MYO3B: variants seen among roughly 807,000 people sequenced by gnomAD.
MYO3B encodes the protein myosin IIIB, also known as myosin-IIIb.
MYO3B carries 156 observed loss-of-function variants against 174.6 expected under a neutral mutation model. The observed-to-expected ratio is 0.89, with a 90% CI of 0.78 to 1.02. The LOEUF (loss-of-function observed/expected upper bound fraction) is 1.02, where lower values mean the gene tolerates loss of function less well. Among genes scored for constraint, MYO3B ranks in the 50% least tolerant of loss-of-function variants. The probability of loss-of-function intolerance (pLI) is 0.00; values close to 1 mark genes in which losing one functional copy is unlikely to be tolerated. For synonymous variants in MYO3B, 563 were observed against 569.1 expected, an observed-to-expected ratio of 0.99 and a Z score of 0.15; for missense variants, 1,632 against 1,639.4, an observed-to-expected ratio of 1.00 and a Z score of 0.08.
intron 32 of MYO3B, among the ~76,000 whole-genome samples, chr2:170,619,550 G>T (rs975889334): frequency 2.6e-5 from 4 of 151,846 alleles, no homozygotes; most frequent in Non-Finnish European, 5.9e-5. Context: ...TGGGGACGAG[G>T]GTTGGGGATC....
At chr2:170,355,665 C>T (rs564294629) in intron 8 of MYO3B, among the ~76,000 whole-genome samples, 14 of 152,312 alleles carry the variant, frequency 9.2e-5, no homozygotes, top group Non-Finnish European at 1.6e-4. Context: ...CTTTGAGTTA[C>T]TTTTGATTCA....
intron 7 of MYO3B, among the ~76,000 whole-genome samples, chr2:170,256,473 G>C (rs543676243): frequency 6.6e-6 from 1 of 152,076 alleles, no homozygotes; most frequent in Non-Finnish European, 1.5e-5. Context: ...GAGAATGGGG[G>C]CATATTTTCA....
chr2:170,217,193 G>A, intron 5 of MYO3B, 126 bp from the exon 6 acceptor site: 1 of 777,012 alleles, frequency 1.3e-6, no homozygotes, highest in Non-Finnish European at 2.3e-6. Context: ...CTGAGTAGTT[G>A]TGACAGAGAC....
chr2:170,368,651 A>T (rs2094216057), intron 8 of MYO3B, among the ~76,000 whole-genome samples: 1 of 152,196 alleles, frequency 6.6e-6, no homozygotes. Context: ...TCTGAATTAT[A>T]TTGTACTCAC....
At chr2:170,647,383 G>C (rs1362756191) in intron 32 of MYO3B, among the ~76,000 whole-genome samples, 1 of 152,164 alleles carries the variant, frequency 6.6e-6, no homozygotes, top group Non-Finnish European at 1.5e-5. Flanking sequence ...TAATATGTCT[G>C]TATTTAAGTT....
chr2:170,489,679 G>GTGTGTGTGTGTC lies in MYO3B; in HGVS notation c.3015-8911_3015-8910insTGTGTGTGTCTG, dbSNP rs1389067011. 1.6e-4 allele frequency among the ~76,000 whole-genome samples: 23 copies of GTGTGTGTGTGTC among 141,940 alleles called. No individual in the cohort carries two copies. The South Asian group carries it at 4.3e-3, about 26-fold the overall frequency. 93.1% of individuals were successfully genotyped at this position (141,940 alleles called of 152,430 possible). A position where few individuals can be genotyped will look rare whatever the true frequency, so the allele number is the denominator to read the frequency against. ...TGTGTGTGTGTGTGTCTGGGTAAGT[G>GTGTGTGTGTGTC]TGGGTAAGTGTGGGTAAGTGTGTGT... On this transcript the variant is annotated intron_variant, in intron 25 of 34. Coordinates refer to ENST00000408978, the MANE Select transcript of MYO3B (RefSeq NM_138995.5).
chr2:170,606,369 T>C (rs1427230273), intron 32 of MYO3B, among the ~76,000 whole-genome samples: 2 of 152,192 alleles, frequency 1.3e-5, no homozygotes, highest in African/African-American at 2.4e-5. Context: ...GAGATGCCAT[T>C]TGCATTATGC....
chr2:170,280,382 T>C (rs911026257), intron 7 of MYO3B, among the ~76,000 whole-genome samples: 1 of 152,180 alleles, frequency 6.6e-6, no homozygotes, highest in Admixed American at 6.6e-5. Flanking sequence ...AAATGTGTAG[T>C]TTGCAAATAT....
rs199591817 is a variant in MYO3B at position 170,480,043 on chromosome 2, A to G, written c.3014+13332A>G. On this transcript the variant is annotated intron_variant, in intron 25 of 34. Coordinates refer to ENST00000408978, the MANE Select transcript of MYO3B (RefSeq NM_138995.5). Reference sequence around the variant, plus strand: ...AACCTATATATATGTGTGTGTGTGTATATATATATATATATAAAATAACAC... The same window carrying G: ...AACCTATATATATGTGTGTGTGTGTGTATATATATATATATAAAATAACAC... Among the ~76,000 whole-genome samples the G allele has an allele frequency of 2.0e-3, 262 of 132,482 alleles. 2 individuals are homozygous for G. The highest frequency in any genetic ancestry group is 3.0e-3 in the Non-Finnish European group (178 of 59,392). 86.9% of individuals were successfully genotyped at this position (132,482 alleles called of 152,430 possible).
At chr2:170,400,461 A>G (rs1463635673) in intron 17 of MYO3B, 147 bp downstream of exon 17, 5 of 1,018,478 alleles carry the variant, frequency 4.9e-6, no homozygotes, top group Non-Finnish European at 6.9e-6. Context: ...GCTGGAGTCC[A>G]GTGGTGCAAT....
chr2:170,276,463 T>C (rs2093464404), intron 7 of MYO3B, among the ~76,000 whole-genome samples: 1 of 152,238 alleles, frequency 6.6e-6, no homozygotes, highest in African/African-American at 2.4e-5. Flanking sequence ...TTATATAGTA[T>C]ACAAACCCTG....
intron 16 of MYO3B, among the ~76,000 whole-genome samples, 193 bp downstream of exon 16, chr2:170,392,688 C>T (rs1480931394): frequency 6.6e-6 from 1 of 152,176 alleles, no homozygotes; most frequent in Non-Finnish European, 1.5e-5. Flanking sequence ...ATTAGAAATG[C>T]AGACCCTGAG....
chr2:170,335,299 T>A (rs995671867), intron 7 of MYO3B, 86 bp from the exon 8 acceptor site: 2 of 1,001,628 alleles, frequency 2.0e-6, no homozygotes, highest in Non-Finnish European at 3.0e-6. Context: ...TAGAGCTATT[T>A]AGAATGATAT....
At chr2:170,230,354 T>TTTTA in intron 6 of MYO3B, among the ~76,000 whole-genome samples, 1 of 136,774 alleles carries the variant, frequency 7.3e-6, no homozygotes, top group East Asian at 2.1e-4. Context: ...TTTTTTTTTT[T>TTTTA]TTTTTTTTAG....
intron 3 of MYO3B, among the ~76,000 whole-genome samples, chr2:170,213,804 A>C (rs1386305088): frequency 1.3e-5 from 2 of 152,196 alleles, no homozygotes; most frequent in African/African-American, 4.8e-5. Flanking sequence ...AAGTTAATAA[A>C]TGCACTTATG....
At chr2:170,559,809 C>T (rs1474389939) in intron 32 of MYO3B, among the ~76,000 whole-genome samples, 1 of 152,074 alleles carries the variant, frequency 6.6e-6, no homozygotes, top group African/African-American at 2.4e-5. Context: ...ACTCACTCCT[C>T]CGGTCCCACA....
intron 1 of MYO3B, among the ~76,000 whole-genome samples, chr2:170,196,635 C>G (rs1189210744): frequency 6.6e-6 from 1 of 151,890 alleles, no homozygotes; most frequent in Non-Finnish European, 1.5e-5. Context: ...GTCCATTTTT[C>G]TCTAAGTAAA....
intron 32 of MYO3B, among the ~76,000 whole-genome samples, chr2:170,642,195 CTCAT>C (rs112933967): frequency 0.098 from 14,886 of 151,988 alleles, 2,103 homozygotes; most frequent in African/African-American, 0.32. Context: ...CACTCATTCA[CTCAT>C]TCATTCATTC....
chr2:170,502,440 T>C (rs1226551447), intron 28 of MYO3B, among the ~76,000 whole-genome samples: 1 of 152,240 alleles, frequency 6.6e-6, no homozygotes, highest in East Asian at 1.9e-4. Flanking sequence ...TATATGTGGC[T>C]ATCATGGTCC....
Sources: allele counts gnomAD v4.1 joint callset (sites outside exome capture counted in the v4.1 genomes callset), GRCh38; gene constraint gnomAD v4.1.1; transcripts MANE v1.5; gene names NCBI Gene and HGNC (gene_info 2026-07-23, HGNC 2026-07-21).